Variants in C10orf90 observed in about 807,000 individuals in gnomAD.
C10orf90 encodes the protein (E2-independent) E3 ubiquitin-conjugating enzyme FATS.
In C10orf90, 56 loss-of-function variants were observed where a neutral mutation model predicts 62.5. The ratio of observed to expected loss-of-function variants is 0.90; its 90% CI spans 0.72 to 1.12. The LOEUF (loss-of-function observed/expected upper bound fraction) is 1.12, where lower values mean the gene tolerates loss of function less well. Among genes scored for constraint, C10orf90 ranks in the 50% most tolerant of loss-of-function variants. The pLI is 0.00. For missense variants in C10orf90, 970 were observed against 880.4 expected (o/e 1.10, Z -1.29); for synonymous variants, 386 against 340.4 (o/e 1.13, Z -1.47).
intron 2 of C10orf90, among the ~76,000 whole-genome samples, chr10:126,594,013 G>C (rs935700283): frequency 1.7e-4 from 25 of 151,482 alleles, no homozygotes; most frequent in Non-Finnish European, 3.5e-4. Flanking sequence ...CCCAGGGAGG[G>C]AACTGCTCAT....
chr10:126,505,046 T>C lies in C10orf90; in HGVS notation c.445A>G (p.Ile149Val), dbSNP rs751218407. ...ASQNTKMISS[I>V]VISQMIDENK... ...TCATCAATCATCTGGGAGATGACTA[T>C]GGATGAAATCATTTTTGTGTTTTGT... is the stretch of plus-strand genomic sequence containing the variant. Residue 149 changes from isoleucine (I) to valine (V), a missense_variant, in exon 4 of 10, where the codon ATA becomes GTA. Coordinates refer to ENST00000488181, the MANE Select transcript of C10orf90 (RefSeq NM_001350921.2). The C allele has an allele frequency of 4.3e-6, 7 of 1,612,092 alleles. No individual in the cohort carries two copies. The South Asian group carries it at 4.4e-5, about 10-fold the overall frequency.
chr10:126,515,094 T>C (rs963298035), intron 2 of C10orf90, among the ~76,000 whole-genome samples: 5 of 152,240 alleles, frequency 3.3e-5, no homozygotes, highest in African/African-American at 9.6e-5. Context: ...AATTTAGATA[T>C]ACAGTCACGC....
intron 4 of C10orf90, among the ~76,000 whole-genome samples, chr10:126,490,030 TATATA>T (rs1861658246): frequency 8.7e-6 from 1 of 114,830 alleles, no homozygotes; most frequent in Middle Eastern, 3.6e-3. Context: ...TAATATATAA[TATATA>T]ATATATATTA....
At chr10:126,591,515 C>G (rs1029584002) in intron 2 of C10orf90, among the ~76,000 whole-genome samples, 5 of 152,160 alleles carry the variant, frequency 3.3e-5, no homozygotes, top group South Asian at 2.1e-4. Context: ...GTTAAAAACT[C>G]TCAGCAGACT....
intron 2 of C10orf90, among the ~76,000 whole-genome samples, chr10:126,538,984 G>C (rs888036147): frequency 1.4e-4 from 22 of 152,212 alleles, no homozygotes; most frequent in Non-Finnish European, 2.9e-4. Context: ...TTGGCTGATG[G>C]GCAAGAGATT....
chr10:126,580,546 G>A lies in C10orf90; in HGVS notation c.313+66019C>T, dbSNP rs534258997. 3.3e-3 allele frequency among the ~76,000 whole-genome samples: 506 copies of A among 152,004 alleles called. 4 individuals are homozygous for A. The highest frequency in any genetic ancestry group is 0.012 in the African/African-American group (495 of 41,448). On this transcript the variant is annotated intron_variant, in intron 2 of 9. Transcript: ENST00000488181. ...TGGGCGCCTGTAGTCCCAGCTACTC[G>A]GGAGGCTGAGGCAGGAGAATGGCGT... is the stretch of plus-strand genomic sequence containing the variant.
chr10:126,602,811 T>A (rs1287164807), intron 2 of C10orf90, among the ~76,000 whole-genome samples: 1 of 151,790 alleles, frequency 6.6e-6, no homozygotes, highest in East Asian at 1.9e-4. Flanking sequence ...ATGGAGAATC[T>A]TACAATCAGT....
intron 2 of C10orf90, chr10:126,524,692 C>G (rs1863881332): frequency 1.0e-6 from 1 of 986,080 alleles, no homozygotes; most frequent in East Asian, 1.1e-4. Context: ...AGCTCCTCCT[C>G]TGGGCTCATC....
intron 2 of C10orf90, among the ~76,000 whole-genome samples, chr10:126,598,831 A>G (rs2576021): frequency 0.1 from 15,889 of 152,118 alleles, 1,450 homozygotes; most frequent in South Asian, 0.23. Context: ...AATGGATGAA[A>G]ACTAGGGAGT....
In C10orf90 at chr10:126,579,146, G is replaced by A. The variant is rs376971530; in HGVS notation, c.314-65207C>T. On this transcript the variant is annotated intron_variant, in intron 2 of 9. Transcript: ENST00000488181. ...ACTTGCCAGGGTAGCAACAGCATAC[G>A]CCATATCCTTTCCTCTACAGAAGCA... Among the ~76,000 whole-genome samples, 377 of 151,994 alleles carry A rather than the reference G, an allele frequency of 2.5e-3. 1 individual carries two copies. The highest frequency in any genetic ancestry group is 4.3e-3 in the Non-Finnish European group (290 of 67,982).
chr10:126,492,321 G>T (rs938442028), intron 4 of C10orf90, among the ~76,000 whole-genome samples: 1 of 152,138 alleles, frequency 6.6e-6, no homozygotes, highest in African/African-American at 2.4e-5. Flanking sequence ...CAGTGAAAAG[G>T]ACAGCCGCCC....
chr10:126,614,338 A>T (rs986714714), intron 2 of C10orf90, among the ~76,000 whole-genome samples: 18 of 152,212 alleles, frequency 1.2e-4, no homozygotes, highest in Admixed American at 3.9e-4. Flanking sequence ...GTCACCATTA[A>T]GGGAATAAAA....
chr10:126,641,661 AGTGATGGG>A (rs1346692186), intron 2 of C10orf90, among the ~76,000 whole-genome samples: 4 of 152,174 alleles, frequency 2.6e-5, no homozygotes, highest in East Asian at 3.9e-4. Context: ...CAGGTAGCAC[AGTGATGGG>A]GAAATGTTAC....
At chr10:126,569,911 AAAAAGAAAAG>A (rs146138997) in intron 2 of C10orf90, among the ~76,000 whole-genome samples, 1 of 152,220 alleles carries the variant, frequency 6.6e-6, no homozygotes, top group East Asian at 1.9e-4. Flanking sequence ...TTCAAGCTTA[AAAAAGAAAAG>A]AAAAGAAAAG....
chr10:126,595,639 A>G (rs1018090937), intron 2 of C10orf90, among the ~76,000 whole-genome samples: 1 of 152,150 alleles, frequency 6.6e-6, no homozygotes, highest in Admixed American at 6.5e-5. Flanking sequence ...CTGCAAAACT[A>G]CAACCTTCTC....
chr10:126,471,698 C>T (rs117521068), intron 4 of C10orf90, among the ~76,000 whole-genome samples: 1 of 152,170 alleles, frequency 6.6e-6, no homozygotes, highest in Non-Finnish European at 1.5e-5. Flanking sequence ...AGGCAACTCT[C>T]ATTTGACGTA....
At position 126,461,562 on chromosome 10, in the gene C10orf90, C is replaced by T; in HGVS notation, c.1849G>A (p.Val617Ile). 1.9e-6 allele frequency: 3 copies of T among 1,613,880 alleles called. No individual in the cohort carries two copies. Among genetic ancestry groups the T allele is most frequent in the African/African-American group, 2.7e-5 (2 of 75,024 alleles). The change falls in exon 6 of 10, where the codon GTT becomes ATT. Residue 617 changes from valine (V) to isoleucine (I), a missense_variant. Val to Ile is a conservative substitution (Grantham distance 29, BLOSUM62 3). Coordinates refer to ENST00000488181, the MANE Select transcript of C10orf90 (RefSeq NM_001350921.2). Reference protein sequence around the residue: ...PKGDYTCCDLVVKIKECKKSE... With the variant: ...PKGDYTCCDLIVKIKECKKSE... ...TTCTTACATTCCTTTATTTTTACAA[C>T]CAAGTCACAGCATGTGTAATCTCCT...
rs539193615 is a variant in C10orf90, at chr10:126,440,837, G to A, written c.2189-10987C>T. Among the ~76,000 whole-genome samples, 615 of 152,256 alleles carry A rather than the reference G, an allele frequency of 4.0e-3. 8 individuals are homozygous for A. Among genetic ancestry groups the A allele is most frequent in the African/African-American group, 0.014 (582 of 41,538 alleles). ...TCAGGAAGCCACATTCATAGGAAAA[G>A]GGGGAGAGTACTACATCAAGGGAAC... On this transcript the variant is annotated intron_variant, in intron 7 of 9. Coordinates refer to ENST00000488181, the MANE Select transcript of C10orf90 (RefSeq NM_001350921.2).
chr10:126,521,604 G>A (rs1159467476), intron 2 of C10orf90: 9 of 555,612 alleles, frequency 1.6e-5, no homozygotes, highest in African/African-American at 1.1e-4. Context: ...TACATTTGAG[G>A]CTTCTTTGAT....
Sources: allele counts gnomAD v4.1 joint callset (sites outside exome capture counted in the v4.1 genomes callset), GRCh38; gene constraint gnomAD v4.1.1; transcripts MANE v1.5; gene names NCBI Gene and HGNC (gene_info 2026-07-23, HGNC 2026-07-21).